The following HUWE1 variants were observed in gnomAD, a reference collection of about 807,000 sequenced individuals.
The protein encoded by HUWE1 is E3 ubiquitin-protein ligase HUWE1.
In HUWE1, 18 loss-of-function variants were observed where a neutral mutation model predicts 299.4. The ratio of observed to expected loss-of-function variants is 0.06; its 90% CI spans 0.04 to 0.09. The LOEUF (loss-of-function observed/expected upper bound fraction) is 0.09, where lower values mean the gene tolerates loss of function less well. Among genes scored for constraint, HUWE1 ranks in the 10% least tolerant of loss-of-function variants. The probability of loss-of-function intolerance (pLI) is 1.00; values close to 1 mark genes in which losing one functional copy is unlikely to be tolerated. For synonymous variants in HUWE1, 1,317 were observed against 1,286.1 expected, an observed-to-expected ratio of 1.02 and a Z score of -0.51; for missense variants, 1,832 against 3,462.3, an observed-to-expected ratio of 0.53 and a Z score of 11.82.
Position 53,565,087 on chromosome X carries a change from C to T in HUWE1, c.6860G>A (p.Ser2287Asn). 4.1e-6 allele frequency: 5 copies of T among 1,211,694 alleles called. No homozygotes were observed. The South Asian group carries it at 5.3e-5, about 13-fold the overall frequency. Residue 2287 changes from serine to asparagine, a missense_variant, in exon 50 of 84, where the codon AGT (serine) becomes AAT (asparagine). Around this residue, in one of 15 missense-constraint regions of HUWE1, gnomAD observed 26 missense variants for 20.7 expected, o/e 1.26. Coordinates refer to ENST00000262854, the MANE Select transcript of HUWE1 (RefSeq NM_031407.7). ...CCTACCTGGGTCCTGCTGGTTGCTA[C>T]TGGAATCTTGAGAGGCTCCTTGGGC... is the stretch of plus-strand genomic sequence containing the variant. ...QDAQGASQDS[S>N]SNQQDPGEPG... is the part of the protein sequence containing the mutation.
rs782631063 is a variant in HUWE1, at chrX:53,645,470, G to A, written c.352-7C>T. The A allele has an allele frequency of 1.4e-5, 17 of 1,205,324 alleles. No individual in the cohort carries two copies. Among genetic ancestry groups the A allele is most frequent in the African/African-American group, 5.3e-5 (3 of 56,489 alleles). ...CCAATAAAGTTGTCAAATGCTAAAGGGACAAAAAAGGGCAAAGCTCAAGGT... is the reference window on the plus strand; with the variant it reads ...CCAATAAAGTTGTCAAATGCTAAAGAGACAAAAAAGGGCAAAGCTCAAGGT... On this transcript the variant is annotated splice_region_variant and splice_polypyrimidine_tract_variant and intron_variant, in intron 6 of 83. Coordinates refer to ENST00000262854, the MANE Select transcript of HUWE1 (RefSeq NM_031407.7).
intron 3 of HUWE1, among the ~76,000 whole-genome samples, chrX:53,674,694 T>G (rs201216149): frequency 8.9e-6 from 1 of 112,042 alleles, no homozygotes; most frequent in East Asian, 2.8e-4. Flanking sequence ...TTTTGTTCAT[T>G]CCTCATATTA....
At chrX:53,684,518 G>C (rs1259741871) in intron 2 of HUWE1, among the ~76,000 whole-genome samples, 2 of 112,008 alleles carry the variant, frequency 1.8e-5, no homozygotes, top group Non-Finnish European at 3.8e-5. Context: ...CCCCGATCTA[G>C]GTGTCTAGAG....
chrX:53,625,122 A>C, intron 18 of HUWE1, 35 bp downstream of exon 18: 1 of 902,620 alleles, frequency 1.1e-6, no homozygotes, highest in Non-Finnish European at 1.6e-6. Flanking sequence ...AGAGAGTAAA[A>C]TATCCTCCAA....
chrX:53,655,663 C>T (rs1373820663), intron 3 of HUWE1, among the ~76,000 whole-genome samples: 1 of 111,544 alleles, frequency 9.0e-6, no homozygotes, highest in African/African-American at 3.3e-5. Context: ...ACTCTCAAGG[C>T]TTTTTTCCTC....
chrX:53,684,116 T>C (rs782794780), intron 2 of HUWE1: 1 of 247,475 alleles, frequency 4.0e-6, no homozygotes, highest in African/African-American at 2.8e-5. Context: ...AGCTTCACCC[T>C]ACGCGAAGCG....
chrX:53,585,407 G>T (rs1466868004), intron 39 of HUWE1, among the ~76,000 whole-genome samples: 1 of 112,426 alleles, frequency 8.9e-6, no homozygotes, highest in African/African-American at 3.2e-5. Context: ...AAGTTCAGGT[G>T]TTGAAAACTT....
In HUWE1 at chrX:53,534,638, G is replaced by A. The variant is rs1221866849; in HGVS notation, c.12709C>T (p.Arg4237Cys). 4 of 1,208,583 alleles carry A rather than the reference G, an allele frequency of 3.3e-6. No homozygotes were observed. Among genetic ancestry groups the A allele is most frequent in the Non-Finnish European group, 4.5e-6 (4 of 894,522 alleles). ...TGCTCAGTGAAGATGGAAATGAGGC[G>A]CTTTGGAATGATCTCATAGAAGCCT... Reference protein sequence around the residue: ...LEGFYEIIPKRLISIFTEQEL... With the variant: ...LEGFYEIIPKCLISIFTEQEL... The change falls in exon 82 of 84, where the codon CGC (arginine) becomes TGC (cysteine). Residue 4237 changes from arginine (R) to cysteine (C), a missense_variant. Arg to Cys is a radical substitution (Grantham distance 180). Around this residue, in one of 15 missense-constraint regions of HUWE1, gnomAD observed 129 missense variants for 439.4 expected, o/e 0.29. Coordinates refer to ENST00000262854, the MANE Select transcript of HUWE1 (RefSeq NM_031407.7).
intron 55 of HUWE1, among the ~76,000 whole-genome samples, chrX:53,561,500 A>G (rs1353463896): frequency 8.9e-6 from 1 of 112,203 alleles, no homozygotes; most frequent in African/African-American, 3.2e-5. Flanking sequence ...TTAATCAAGC[A>G]AATCATCAAG....
At position 53,536,297 on chromosome X, in the gene HUWE1, G is replaced by T. The variant is rs782092697; in HGVS notation, c.12426-45C>A. On this transcript the variant is annotated intron_variant, in intron 79 of 83. Coordinates refer to ENST00000262854, the MANE Select transcript of HUWE1 (RefSeq NM_031407.7). Reference sequence around the variant, plus strand: ...CAGGGTCATGGTTTGCGAGTGGGGGGGAAGAAGGAGCACAAGGATGGGACA... The same window carrying T: ...CAGGGTCATGGTTTGCGAGTGGGGGTGAAGAAGGAGCACAAGGATGGGACA... 42 of 1,144,644 alleles carry T rather than the reference G, an allele frequency of 3.7e-5. No individual in the cohort carries two copies. The South Asian group carries it at 6.0e-4, about 16-fold the overall frequency. The allele number at this position is 1,144,644 out of a possible 1,213,427, so 94.3% of individuals were successfully genotyped here. A position where few individuals can be genotyped will look rare whatever the true frequency, so the allele number is the denominator to read the frequency against.
At chrX:53,661,756 A>C (rs1478564082) in intron 3 of HUWE1, among the ~76,000 whole-genome samples, 3 of 111,890 alleles carry the variant, frequency 2.7e-5, no homozygotes, top group Non-Finnish European at 5.6e-5. Flanking sequence ...ATTACTATGA[A>C]TCACCATCCA....
chrX:53,558,997 G>A lies in HUWE1; in HGVS notation c.7979C>T (p.Ala2660Val), dbSNP rs1556938156. ...TGAAACACAGTCATGCATGCTCTCA[G>A]CATCGAGAACTTTGCATTCTTCTGT... ...RWTEECKVLD[A>V]ESMHDCVSVV... Residue 2660 changes from alanine to valine, a missense_variant, in exon 58 of 84, where the codon GCT (alanine) becomes GTT (valine). By Grantham distance (64) the Ala-to-Val change is moderately conservative. Around this residue, in one of 15 missense-constraint regions of HUWE1, gnomAD observed 170 missense variants for 335.8 expected, o/e 0.51. Transcript: ENST00000262854. 1 of 1,181,103 alleles carries A rather than the reference G, an allele frequency of 8.5e-7. No individual in the cohort carries two copies. The highest frequency in any genetic ancestry group is 1.1e-6 in the Non-Finnish European group (1 of 879,320).
At chrX:53,648,177 T>G (rs1557037369) in intron 5 of HUWE1, 35 bp downstream of exon 5, 1 of 890,931 alleles carries the variant, frequency 1.1e-6, no homozygotes. Context: ...ATTAGTATGG[T>G]GAGTCCTGTC....
At chrX:53,586,614 G>A in intron 38 of HUWE1, 43 bp from the exon 39 acceptor site, 1 of 1,084,098 alleles carries the variant, frequency 9.2e-7, no homozygotes, top group Non-Finnish European at 1.3e-6. Flanking sequence ...CAAGAAACCT[G>A]CACAAATTGG....
intron 42 of HUWE1, among the ~76,000 whole-genome samples, chrX:53,582,226 T>C (rs2063655995): frequency 8.9e-6 from 1 of 112,905 alleles, no homozygotes; most frequent in Admixed American, 9.3e-5. Flanking sequence ...TTTGAACTTG[T>C]AACTTTTAAA....
intron 37 of HUWE1, 89 bp downstream of exon 37, chrX:53,588,293 G>A (rs1457941343): frequency 1.4e-5 from 14 of 984,332 alleles, no homozygotes; most frequent in African/African-American, 1.9e-5. Context: ...CTTATTCTTC[G>A]CTTTATCGTC....
chrX:53,613,208 G>C (rs2065596227), intron 23 of HUWE1, among the ~76,000 whole-genome samples: 1 of 111,868 alleles, frequency 8.9e-6, no homozygotes, highest in African/African-American at 3.3e-5. Flanking sequence ...TGCCTTCTCA[G>C]ACAGGGTAAG....
chrX:53,635,515 G>A (rs2067151504), intron 7 of HUWE1, among the ~76,000 whole-genome samples: 2 of 111,206 alleles, frequency 1.8e-5, no homozygotes, highest in South Asian at 7.5e-4. Context: ...TAGGAGCCTT[G>A]CCATGTTGCC....
At chrX:53,636,838 G>A in intron 7 of HUWE1, among the ~76,000 whole-genome samples, 1 of 112,230 alleles carries the variant, frequency 8.9e-6, no homozygotes, top group Non-Finnish European at 1.9e-5. Context: ...AGAAAACTGT[G>A]AAGTAAATTG....
Sources: allele counts gnomAD v4.1 joint callset (sites outside exome capture counted in the v4.1 genomes callset), GRCh38; gene constraint gnomAD v4.1.1; regional missense constraint gnomAD v4.1.1; transcripts MANE v1.5; gene names NCBI Gene and HGNC (gene_info 2026-07-23, HGNC 2026-07-21).